Variants in CR1L observed in about 807,000 individuals in gnomAD.
CR1L encodes complement C3b/C4b receptor 1 like.
CR1L carries 59 observed loss-of-function variants against 62.3 expected under a neutral mutation model. The ratio of observed to expected loss-of-function variants is 0.95; its 90% CI spans 0.77 to 1.18. The LOEUF is 1.18. Ranked by LOEUF, CR1L falls within the 50% of genes most tolerant of loss-of-function variation. CR1L has a pLI of 0.00. For missense variants in CR1L, 700 were observed against 702.8 expected, an observed-to-expected ratio of 1.00 and a Z score of 0.04; for synonymous variants, 279 against 248.7, an observed-to-expected ratio of 1.12 and a Z score of -1.15.
In CR1L at chr1:207,680,453, T is replaced by C. The variant is rs182931895; in HGVS notation, c.377+2156T>C. ...GCACTATTGTTTTGCAAAATGTTAT[T>C]ATTAGGGGAAAATTGAGTAAAGTGT... On this transcript the variant is annotated intron_variant, in intron 3 of 11. Coordinates refer to ENST00000508064, the MANE Select transcript of CR1L (RefSeq NM_175710.2). 2.1e-4 allele frequency among the ~76,000 whole-genome samples: 32 copies of C among 152,304 alleles called. No individual in the cohort carries two copies. The East Asian group carries it at 4.4e-3, about 21-fold the overall frequency.
chr1:207,717,481 C>A lies in CR1L; in HGVS notation c.1432C>A (p.Pro478Thr), dbSNP rs1654029943. 1.2e-6 allele frequency: 2 copies of A among 1,613,534 alleles called. No individual in the cohort carries two copies. The highest frequency in any genetic ancestry group is 1.7e-6 in the Non-Finnish European group (2 of 1,179,554). The change falls in exon 11 of 12, where the codon CCT (proline) becomes ACT (threonine). Residue 478 changes from proline to threonine, a missense_variant. Pro to Thr is a conservative substitution (Grantham distance 38). Transcript: ENST00000508064. ...PICQQIFCPNPPAILNGRHTG... is the reference protein window; with the variant it reads ...PICQQIFCPNTPAILNGRHTG... ...CTTTCTAGAAATCTTTTGTCCAAATCCTCCAGCTATCCTTAATGGGAGACA... is the reference window on the plus strand; with the variant it reads ...CTTTCTAGAAATCTTTTGTCCAAATACTCCAGCTATCCTTAATGGGAGACA...
In CR1L at chr1:207,717,581, G is replaced by C; in HGVS notation, c.1532G>C (p.Gly511Ala). The change falls in exon 11 of 12, where the codon GGG (glycine) becomes GCG (alanine). Residue 511 changes from glycine to alanine, a missense_variant. Coordinates refer to ENST00000508064, the MANE Select transcript of CR1L (RefSeq NM_175710.2). ...ACATGTGACCCCCACCCAGACAGAG[G>C]GATGACCTTCAACCTCATTGGGGAG... ...SYTCDPHPDR[G>A]MTFNLIGEST... The C allele has an allele frequency of 6.2e-7, 1 of 1,613,930 alleles. No individual in the cohort carries two copies. Among genetic ancestry groups the C allele is most frequent in the Non-Finnish European group, 8.5e-7 (1 of 1,179,876 alleles).
chr1:207,691,416 TTTG>T (rs1446889556), intron 4 of CR1L, among the ~76,000 whole-genome samples: 1 of 151,930 alleles, frequency 6.6e-6, no homozygotes, highest in Admixed American at 6.5e-5. Flanking sequence ...ATGGTAAAGT[TTTG>T]TTGTTTTATT....
chr1:207,704,489 A>C (rs1664240332), intron 9 of CR1L, among the ~76,000 whole-genome samples: 1 of 152,256 alleles, frequency 6.6e-6, no homozygotes, highest in South Asian at 2.1e-4. Context: ...AAAGCAGTTC[A>C]GAGGGTAAAA....
At chr1:207,661,822 C>T (rs1663429495) in intron 1 of CR1L, among the ~76,000 whole-genome samples, 1 of 152,180 alleles carries the variant, frequency 6.6e-6, no homozygotes. Flanking sequence ...CCTTCAGAAG[C>T]TGTTTTAGGG....
At chr1:207,651,428 G>A (rs1423556022) in intron 1 of CR1L, among the ~76,000 whole-genome samples, 2 of 152,116 alleles carry the variant, frequency 1.3e-5, no homozygotes, top group Non-Finnish European at 2.9e-5. Context: ...CACTTGGTTA[G>A]AATTTTCTTG....
chr1:207,673,797 C>T (rs1025612104), intron 1 of CR1L, among the ~76,000 whole-genome samples: 1 of 152,180 alleles, frequency 6.6e-6, no homozygotes, highest in African/African-American at 2.4e-5. Context: ...TCATATTACT[C>T]AGCATTTTAC....
At chr1:207,704,555 A>G (rs1664241604) in intron 9 of CR1L, among the ~76,000 whole-genome samples, 1 of 152,260 alleles carries the variant, frequency 6.6e-6, no homozygotes, top group Non-Finnish European at 1.5e-5. Flanking sequence ...GGAAGAGTCA[A>G]TGTGGCCAGT....
chr1:207,708,323 G>C, intron 10 of CR1L, 60 bp downstream of exon 10: 2 of 1,570,266 alleles, frequency 1.3e-6, no homozygotes, highest in Non-Finnish European at 1.7e-6. Flanking sequence ...TGTCCTCCTA[G>C]AATTACAAAG....
At chr1:207,704,302 C>T (rs1664236754) in intron 9 of CR1L, among the ~76,000 whole-genome samples, 1 of 152,176 alleles carries the variant, frequency 6.6e-6, no homozygotes, top group Non-Finnish European at 1.5e-5. Context: ...CATGATCAAA[C>T]TTGAACAGAA....
rs373226358 is a variant in CR1L, at chr1:207,697,585, C to T, written c.945C>T (p.Phe315=). 6.2e-7 allele frequency: 1 copy of T among 1,613,754 alleles called. No homozygotes were observed. The highest frequency in any genetic ancestry group is 1.3e-5 in the African/African-American group (1 of 74,906). The change falls in exon 6 of 12, where the codon TTC becomes TTT. Residue 315 remains phenylalanine (F), a synonymous_variant. Transcript: ENST00000508064. ...ACTTTTCACCCGGGCAGGAAGTGTT[C>T]TACAGCTGTGAGCCCGGCTACGACC... ...KDNFSPGQEV[F]YSCEPGYDLR...
intron 1 of CR1L, among the ~76,000 whole-genome samples, chr1:207,666,951 T>C (rs1663533878): frequency 6.6e-6 from 1 of 152,220 alleles, no homozygotes; most frequent in Non-Finnish European, 1.5e-5. Flanking sequence ...TCTCATTGAT[T>C]CCTGTGATTT....
chr1:207,719,323 T>G (rs1244494496), intron 11 of CR1L, among the ~76,000 whole-genome samples: 1 of 146,024 alleles, frequency 6.8e-6, no homozygotes, highest in African/African-American at 2.5e-5. Context: ...ATGAGAAATA[T>G]ATGGGAAACA....
chr1:207,710,084 C>A (rs1664329066), intron 10 of CR1L, among the ~76,000 whole-genome samples: 1 of 151,994 alleles, frequency 6.6e-6, no homozygotes, highest in African/African-American at 2.4e-5. Context: ...ATGGCTCACG[C>A]CTGTAATCTC....
intron 3 of CR1L, among the ~76,000 whole-genome samples, 164 bp downstream of exon 3, chr1:207,678,461 G>A (rs72644190): frequency 1.3e-5 from 2 of 152,150 alleles, no homozygotes; most frequent in Non-Finnish European, 2.9e-5. Flanking sequence ...ACAAAGGTAT[G>A]ACAAGATCAG....
chr1:207,646,927 T>C (rs1358805762), intron 1 of CR1L, among the ~76,000 whole-genome samples: 2 of 152,186 alleles, frequency 1.3e-5, no homozygotes, highest in Non-Finnish European at 2.9e-5. Context: ...GGAACATTCA[T>C]TCAACAAATA....
At position 207,668,571 on chromosome 1, in the gene CR1L, T is replaced by C. The variant is rs117153239; in HGVS notation, c.98-8818T>C. On this transcript the variant is annotated intron_variant, in intron 1 of 11. Transcript: ENST00000508064. Reference sequence around the variant, plus strand: ...TGGTTAAAGGGCACAGGGTCACAGATACATAAGAATAAATTCATCCTTGAA... The same window carrying C: ...TGGTTAAAGGGCACAGGGTCACAGACACATAAGAATAAATTCATCCTTGAA... Among the ~76,000 whole-genome samples, 38 of 150,994 alleles carry C rather than the reference T, an allele frequency of 2.5e-4. 1 individual carries two copies. The East Asian group carries it at 6.2e-3, about 25-fold the overall frequency.
intron 8 of CR1L, among the ~76,000 whole-genome samples, chr1:207,699,818 A>C (rs2102471756): frequency 6.6e-6 from 1 of 152,314 alleles, no homozygotes; most frequent in East Asian, 1.9e-4. Context: ...AGATGAGTGA[A>C]GTCCCTGTCC....
intron 10 of CR1L, chr1:207,715,304 T>C: frequency 1.3e-6 from 2 of 1,563,296 alleles, no homozygotes; most frequent in Non-Finnish European, 1.8e-6. Flanking sequence ...ACTTTTTTTT[T>C]TCTTTAGGTT....
Sources: gnomAD v4.1 joint callset for allele counts (sites outside exome capture counted in the v4.1 genomes callset) on GRCh38, gnomAD v4.1.1 for gene constraint, MANE v1.5 for transcripts, NCBI Gene and HGNC (gene_info 2026-07-23, HGNC 2026-07-21) for gene names.